RIT2: variants seen among roughly 807,000 people sequenced by gnomAD.
The protein encoded by RIT2 is Ras like without CAAX 2, also known as GTP-binding protein Rit2.
RIT2 carries 24 observed loss-of-function variants against 23.7 expected under a neutral mutation model. The observed-to-expected ratio is 1.01, with a 90% CI of 0.73 to 1.43. RIT2 has a LOEUF of 1.43. RIT2 is among the 40% of genes most tolerant of loss of function. RIT2 has a pLI of 0.00. For synonymous variants in RIT2, 107 were observed against 91.1 expected (o/e 1.17, Z -0.99); for missense variants, 236 against 266.9 (o/e 0.88, Z 0.81).
At chr18:42,757,722 G>C (rs1346767905) in intron 4 of RIT2, among the ~76,000 whole-genome samples, 1 of 152,020 alleles carries the variant, frequency 6.6e-6, no homozygotes, top group African/African-American at 2.4e-5. Flanking sequence ...CTTATTATCA[G>C]CCAGTTCCCT....
rs368358401 is a variant in RIT2, at chr18:42,851,578, C to T, written c.426+71994G>A. ...CTTAAAAGGTAGGTAAAGGGCTGGG[C>T]GCATGGCTCAGGCCTGCAATCCCAG... On this transcript the variant is annotated intron_variant, in intron 4 of 4. Transcript: ENST00000326695. Among the ~76,000 whole-genome samples, 44 of 152,124 alleles carry T rather than the reference C, an allele frequency of 2.9e-4. No homozygotes were observed. In the East Asian group the frequency reaches 5.6e-3, roughly 19 times the overall value.
intron 4 of RIT2, among the ~76,000 whole-genome samples, chr18:42,828,949 G>T (rs1408029201): frequency 6.6e-6 from 1 of 152,146 alleles, no homozygotes; most frequent in Non-Finnish European, 1.5e-5. Flanking sequence ...GGGCACAGGT[G>T]CTGCCCTAGA....
At chr18:43,031,815 T>C (rs565321470) in intron 2 of RIT2, among the ~76,000 whole-genome samples, 1 of 152,218 alleles carries the variant, frequency 6.6e-6, no homozygotes, top group African/African-American at 2.4e-5. Context: ...AATATTTATT[T>C]CCTATCTCAA....
chr18:42,817,674 C>A (rs1906036905), intron 4 of RIT2, among the ~76,000 whole-genome samples: 1 of 151,998 alleles, frequency 6.6e-6, no homozygotes, highest in Non-Finnish European at 1.5e-5. Flanking sequence ...GGAGGGAGGA[C>A]TTTAGGGCCA....
chr18:42,790,508 T>C (rs758485847), intron 4 of RIT2, among the ~76,000 whole-genome samples: 17 of 152,344 alleles, frequency 1.1e-4, no homozygotes, highest in Non-Finnish European at 2.5e-4. Flanking sequence ...AGTGGCGCCA[T>C]CTCGGCTCAC....
At chr18:43,017,464 T>C (rs1370347553) in intron 2 of RIT2, among the ~76,000 whole-genome samples, 1 of 152,054 alleles carries the variant, frequency 6.6e-6, no homozygotes, top group African/African-American at 2.4e-5. Flanking sequence ...TGCTTAGTTA[T>C]TTAGGTTGAC....
intron 4 of RIT2, among the ~76,000 whole-genome samples, chr18:42,744,734 A>T (rs1912878460): frequency 6.6e-6 from 1 of 152,202 alleles, no homozygotes; most frequent in South Asian, 2.1e-4. Context: ...TTCACTGAAG[A>T]ATAAGTTGAA....
intron 3 of RIT2, among the ~76,000 whole-genome samples, chr18:42,964,856 T>C (rs945935013): frequency 6.6e-6 from 1 of 152,214 alleles, no homozygotes; most frequent in African/African-American, 2.4e-5. Flanking sequence ...TTTCTTTTAA[T>C]AGACTAGTAG....
At position 42,843,984 on chromosome 18, in the gene RIT2, T is replaced by TA. The variant is rs199745021; in HGVS notation, c.426+79587dup. 5.3e-3 allele frequency among the ~76,000 whole-genome samples: 803 copies of TA among 152,280 alleles called. 5 individuals carry two copies. The highest frequency in any genetic ancestry group is 0.019 in the African/African-American group (769 of 41,566). On this transcript the variant is annotated intron_variant, in intron 4 of 4. Coordinates refer to ENST00000326695, the MANE Select transcript of RIT2 (RefSeq NM_002930.4). ...AGGGAGTTAAGAAATATAAAAGAGA[T>TA]AGAGTCTAATTGATAATTAAAGTGA... is the stretch of plus-strand genomic sequence containing the variant.
chr18:42,804,830 C>A (rs796155239), intron 4 of RIT2, among the ~76,000 whole-genome samples: 2 of 152,166 alleles, frequency 1.3e-5, no homozygotes, highest in Admixed American at 6.5e-5. Context: ...AATTTTAAAA[C>A]CTGGAATTTG....
intron 2 of RIT2, among the ~76,000 whole-genome samples, chr18:43,014,138 C>T (rs1340702178): frequency 6.6e-6 from 1 of 151,634 alleles, no homozygotes; most frequent in African/African-American, 2.4e-5. Flanking sequence ...AAGAGGTAAT[C>T]CTTGAGCTTA....
chr18:42,808,576 C>T (rs964247592), intron 4 of RIT2, among the ~76,000 whole-genome samples: 7 of 146,022 alleles, frequency 4.8e-5, no homozygotes, highest in African/African-American at 8.0e-5. Flanking sequence ...AAAAAGAATT[C>T]GTTTTTTTTT....
At chr18:42,748,759 CAG>C (rs1015388854) in intron 4 of RIT2, among the ~76,000 whole-genome samples, 15 of 151,916 alleles carry the variant, frequency 9.9e-5, no homozygotes, top group East Asian at 9.7e-4. Context: ...TTTGGGGACT[CAG>C]GGGAAAGGGA....
intron 4 of RIT2, among the ~76,000 whole-genome samples, chr18:42,883,822 G>A (rs532835949): frequency 5.3e-5 from 8 of 152,224 alleles, no homozygotes; most frequent in Non-Finnish European, 1.0e-4. Context: ...TGAAGATGAT[G>A]AGTCTAACTA....
intron 1 of RIT2, among the ~76,000 whole-genome samples, chr18:43,041,513 T>A (rs1912127842): frequency 6.6e-6 from 1 of 152,138 alleles, no homozygotes. Flanking sequence ...TAACATATGT[T>A]ATGTAAATGT....
chr18:43,028,482 G>A (rs1911782473), intron 2 of RIT2, among the ~76,000 whole-genome samples: 1 of 152,032 alleles, frequency 6.6e-6, no homozygotes, highest in Admixed American at 6.6e-5. Flanking sequence ...TAAGGAGCCA[G>A]GATGAAGGCA....
chr18:43,055,056 C>A (rs1912467787), intron 1 of RIT2, among the ~76,000 whole-genome samples: 1 of 152,082 alleles, frequency 6.6e-6, no homozygotes. Flanking sequence ...GGGCCTGATA[C>A]ACTGTTATTT....
chr18:43,009,368 A>G (rs1453310658), intron 2 of RIT2, among the ~76,000 whole-genome samples: 2 of 151,754 alleles, frequency 1.3e-5, no homozygotes, highest in African/African-American at 4.8e-5. Context: ...AATGACCTGA[A>G]TGTAATTTGC....
chr18:43,031,507 G>A (rs1911853628), intron 2 of RIT2, among the ~76,000 whole-genome samples: 1 of 152,000 alleles, frequency 6.6e-6, no homozygotes, highest in Admixed American at 6.6e-5. Flanking sequence ...TAACCAATCT[G>A]CTTTTCCTTT....
Sources: gnomAD v4.1 joint callset for allele counts (sites outside exome capture counted in the v4.1 genomes callset) on GRCh38, gnomAD v4.1.1 for gene constraint, MANE v1.5 for transcripts, NCBI Gene and HGNC (gene_info 2026-07-23, HGNC 2026-07-21) for gene names.